AMY2A: variants seen among roughly 807,000 people sequenced by gnomAD.
The protein encoded by AMY2A is pancreatic alpha-amylase.
AMY2A carries 16 observed loss-of-function variants against 43.0 expected under a neutral mutation model. The observed-to-expected ratio is 0.37, with a 90% CI of 0.25 to 0.56. The LOEUF is 0.56. Among genes scored for constraint, AMY2A ranks in the 20% least tolerant of loss-of-function variants. AMY2A has a pLI of 0.77. For missense variants in AMY2A, 212 were observed against 456.8 expected, an observed-to-expected ratio of 0.46 and a Z score of 4.89; for synonymous variants, 70 against 144.6, an observed-to-expected ratio of 0.48 and a Z score of 3.70.
chr1:103,618,324 T>G (rs1653136432), intron 2 of AMY2A, among the ~76,000 whole-genome samples: 1 of 150,858 alleles, frequency 6.6e-6, no homozygotes, highest in Non-Finnish European at 1.5e-5. Context: ...CAGAATTTGC[T>G]TCTAAAGCAA....
At chr1:103,617,747 C>A (rs1225754637) in intron 1 of AMY2A, 139 bp downstream of exon 1, 1 of 1,548,152 alleles carries the variant, frequency 6.5e-7, no homozygotes, top group Non-Finnish European at 8.8e-7. Flanking sequence ...GAGGGAAAAT[C>A]TATGTAGTAT....
In AMY2A at chr1:103,617,537, G is replaced by C; in HGVS notation, c.97G>C (p.Glu33Gln). ...QGRTSIVHLF[E>Q]WRWVDIALEC... ...ACGGACATCTATTGTTCATCTGTTT[G>C]AATGGCGATGGGTTGATATTGCTCT... Residue 33 changes from glutamate (E) to glutamine (Q), a missense_variant, in exon 1 of 10, where the codon GAA (glutamate) becomes CAA (glutamine). Glu to Gln is a conservative substitution (Grantham distance 29, BLOSUM62 2). Around this residue, in one of 2 missense-constraint regions of AMY2A, gnomAD observed 199 missense variants for 210.6 expected, o/e 0.94. Coordinates refer to ENST00000414303, the MANE Select transcript of AMY2A (RefSeq NM_000699.4). The C allele has an allele frequency of 1.2e-6, 2 of 1,600,822 alleles. No homozygotes were observed. Among genetic ancestry groups the C allele is most frequent in the South Asian group, 2.2e-5 (2 of 90,844 alleles).
In AMY2A at chr1:103,619,798, T is replaced by C. The variant is rs1455778492; in HGVS notation, c.744+14T>C. 6.2e-7 allele frequency: 1 copy of C among 1,609,198 alleles called. No individual in the cohort carries two copies. Among genetic ancestry groups the C allele is most frequent in the South Asian group, 1.1e-5 (1 of 90,866 alleles). ...ATTTACCAGGAGGTACATCAATACT[T>C]ATATGCCTATAAAATATCATCTTAT... On this transcript the variant is annotated intron_variant, in intron 4 of 9. Transcript: ENST00000414303.
chr1:103,623,716 G>C, intron 7 of AMY2A, 150 bp from the exon 8 acceptor site: 1 of 986,148 alleles, frequency 1.0e-6, no homozygotes, highest in East Asian at 2.3e-5. Flanking sequence ...ACCCAGTAAA[G>C]GGCTATAAAC....
upstream of AMY2A, chr1:103,617,085 A>G (rs1343322415): frequency 9.9e-7 from 1 of 1,006,062 alleles, no homozygotes; most frequent in Non-Finnish European, 1.3e-6. Flanking sequence ...CTTTTAATTT[A>G]TGTAAAGTTT....
upstream of AMY2A, chr1:103,617,067 T>C (rs536352806): frequency 1.0e-6 from 1 of 966,850 alleles, no homozygotes; most frequent in African/African-American, 1.7e-5. Flanking sequence ...CCTGTAAAAG[T>C]ATTCATCCTT....
In AMY2A at chr1:103,618,806, T is replaced by C; in HGVS notation, c.316-105T>C. ...GTAGGAAAATAATTATAAGATATCA[T>C]GAAATATTTTGGAGTTTTATTAACA... On this transcript the variant is annotated intron_variant, in intron 2 of 9. Transcript: ENST00000414303. 6 of 1,396,224 alleles carry C rather than the reference T, an allele frequency of 4.3e-6. 1 individual carries two copies. The highest frequency in any genetic ancestry group is 5.9e-6 in the Non-Finnish European group (6 of 1,023,434). 86.5% of individuals were successfully genotyped at this position (1,396,224 alleles called of 1,614,324 possible). A position where few individuals can be genotyped will look rare whatever the true frequency, so the allele number is the denominator to read the frequency against.
At chr1:103,623,530 G>A (rs1653243275) in intron 7 of AMY2A, among the ~76,000 whole-genome samples, 2 of 80,524 alleles carry the variant, frequency 2.5e-5, no homozygotes, top group South Asian at 3.7e-4. Flanking sequence ...TAGGAGGATC[G>A]CTTGAGCCTG....
intron 9 of AMY2A, among the ~76,000 whole-genome samples, chr1:103,625,023 GC>G (rs1458783895): frequency 7.8e-6 from 1 of 127,958 alleles, no homozygotes; most frequent in African/African-American, 3.2e-5. Flanking sequence ...TGCCAAAAAA[GC>G]CCATGTCTAG....
At chr1:103,623,289 A>G (rs1253679927) in intron 7 of AMY2A, among the ~76,000 whole-genome samples, 1 of 136,538 alleles carries the variant, frequency 7.3e-6, no homozygotes, top group Non-Finnish European at 1.6e-5. Flanking sequence ...TCCCATTTCA[A>G]TGACATTGCA....
intron 2 of AMY2A, 58 bp from the exon 3 acceptor site, chr1:103,618,853 A>G: frequency 4.8e-6 from 3 of 621,894 alleles, no homozygotes; most frequent in Non-Finnish European, 8.6e-6. Context: ...TGCATCAATA[A>G]TGCTTTAAAT....
At chr1:103,617,695 A>G (rs892447365) in intron 1 of AMY2A, 87 bp downstream of exon 1, 15 of 1,594,122 alleles carry the variant, frequency 9.4e-6, no homozygotes, top group Admixed American at 1.7e-5. Flanking sequence ...CTTGGGCAAC[A>G]TTTTACTTCA....
chr1:103,617,494 C>T lies in AMY2A; in HGVS notation c.54C>T (p.Ser18=). 3.7e-6 allele frequency: 6 copies of T among 1,600,588 alleles called. No individual in the cohort carries two copies. The highest frequency in any genetic ancestry group is 5.1e-6 in the Non-Finnish European group (6 of 1,170,768). The stretch of plus-strand genomic sequence containing the variant: ...TTGGGTTCTGCTGGGCTCAGTATTC[C>T]CCAAATACACAACAAGGACGGACAT... The part of the protein sequence containing the change: ...FTIGFCWAQY[S]PNTQQGRTSI... The change falls in exon 1 of 10, where the codon TCC becomes TCT. Residue 18 remains serine (S), a synonymous_variant. Coordinates refer to ENST00000414303, the MANE Select transcript of AMY2A (RefSeq NM_000699.4).
chr1:103,617,522 A>G lies in AMY2A; in HGVS notation c.82A>G (p.Ile28Val). ...AAATACACAACAAGGACGGACATCT[A>G]TTGTTCATCTGTTTGAATGGCGATG... ...SPNTQQGRTS[I>V]VHLFEWRWVD... The change falls in exon 1 of 10, where the codon ATT becomes GTT. Residue 28 changes from isoleucine (I) to valine (V), a missense_variant. By Grantham distance (29) the Ile-to-Val change is conservative (BLOSUM62 3). Around this residue, in one of 2 missense-constraint regions of AMY2A, gnomAD observed 199 missense variants for 210.6 expected, o/e 0.94. Coordinates refer to ENST00000414303, the MANE Select transcript of AMY2A (RefSeq NM_000699.4). 1 of 1,600,718 alleles carries G rather than the reference A, an allele frequency of 6.2e-7. No homozygotes were observed. Among genetic ancestry groups the G allele is most frequent in the Non-Finnish European group, 8.5e-7 (1 of 1,170,822 alleles).
intron 7 of AMY2A, among the ~76,000 whole-genome samples, chr1:103,623,499 T>C (rs1256678944): frequency 1.3e-5 from 1 of 79,394 alleles, no homozygotes; most frequent in African/African-American, 8.8e-5. Flanking sequence ...CCAACAGTCT[T>C]AGCTACTTAG....
Position 103,617,568 on chromosome 1 carries a change from G to T in AMY2A, c.128G>T (p.Cys43Phe). 6.2e-7 allele frequency: 1 copy of T among 1,600,944 alleles called. No individual in the cohort carries two copies. Among genetic ancestry groups the T allele is most frequent in the Non-Finnish European group, 8.5e-7 (1 of 1,170,876 alleles). ...CGATGGGTTGATATTGCTCTTGAAT[G>T]TGAGCGATATTTAGCTCCGAAGGGA... ...EWRWVDIALE[C>F]ERYLAPKGFG... Residue 43 changes from cysteine (C) to phenylalanine (F), a missense_variant, in exon 1 of 10, where the codon TGT becomes TTT. Transcript: ENST00000414303.
intron 2 of AMY2A, among the ~76,000 whole-genome samples, chr1:103,618,565 C>G (rs1207311674): frequency 1.3e-5 from 2 of 150,698 alleles, no homozygotes; most frequent in East Asian, 3.9e-4. Flanking sequence ...AGAGTACAGG[C>G]TTTCTCCTGG....
chr1:103,623,214 A>C (rs901413684), intron 7 of AMY2A, among the ~76,000 whole-genome samples: 1 of 110,600 alleles, frequency 9.0e-6, no homozygotes, highest in Non-Finnish European at 2.0e-5. Flanking sequence ...GTATTGATTA[A>C]ATTTTCTCAG....
upstream of AMY2A, chr1:103,617,366 A>T: frequency 5.8e-6 from 9 of 1,556,554 alleles, 1 homozygote; most frequent in South Asian, 1.0e-4. Context: ...TCATGCTAAT[A>T]TTTACTTTGT....
Sources: allele counts gnomAD v4.1 joint callset (sites outside exome capture counted in the v4.1 genomes callset), GRCh38; gene constraint gnomAD v4.1.1; regional missense constraint gnomAD v4.1.1; transcripts MANE v1.5; gene names NCBI Gene and HGNC (gene_info 2026-07-23, HGNC 2026-07-21).